The following CDYL2 variants were observed in gnomAD, a reference collection of about 807,000 sequenced individuals.
CDYL2 encodes chromodomain Y like 2, also known as chromodomain Y-like protein 2.
Under a neutral mutation model 49.4 loss-of-function variants are expected in CDYL2, and 23 were observed. The observed-to-expected ratio is 0.47, with a 90% confidence interval of 0.34 to 0.66. The LOEUF (loss-of-function observed/expected upper bound fraction) is 0.66. Among genes scored for constraint, CDYL2 ranks in the 30% least tolerant of loss-of-function variants. The pLI is 0.01. For synonymous variants in CDYL2, 360 were observed against 268.8 expected (o/e 1.34, Z -3.32); for missense variants, 678 against 656.4 (o/e 1.03, Z -0.36).
chr16:80,749,893 A>G (rs955817477), intron 1 of CDYL2, among the ~76,000 whole-genome samples: 3 of 152,178 alleles, frequency 2.0e-5, no homozygotes, highest in South Asian at 2.1e-4. Flanking sequence ...ACACCATGGA[A>G]TACTATGCAA....
At chr16:80,655,309 A>C (rs562180044) in intron 2 of CDYL2, among the ~76,000 whole-genome samples, 339 of 152,304 alleles carry the variant, frequency 2.2e-3, no homozygotes, top group Middle Eastern at 0.01. Context: ...CATTCATTCA[A>C]AATCTAGTTA....
At chr16:80,624,705 CAG>C (rs1266723162) in intron 3 of CDYL2, among the ~76,000 whole-genome samples, 4 of 151,864 alleles carry the variant, frequency 2.6e-5, no homozygotes, top group African/African-American at 7.3e-5. Flanking sequence ...CAAATAATCA[CAG>C]AGAGGAAAAC....
At chr16:80,712,614 C>T (rs1311425295) in intron 1 of CDYL2, among the ~76,000 whole-genome samples, 2 of 152,062 alleles carry the variant, frequency 1.3e-5, no homozygotes, top group Non-Finnish European at 2.9e-5. Flanking sequence ...AGAAGGTGGA[C>T]TCCATAGGTC....
chr16:80,792,054 AAGG>A, intron 1 of CDYL2, among the ~76,000 whole-genome samples: 1 of 152,286 alleles, frequency 6.6e-6, no homozygotes, highest in African/African-American at 2.4e-5. Context: ...GCGCAAAACA[AAGG>A]AGGCTGCACT....
intron 1 of CDYL2, among the ~76,000 whole-genome samples, chr16:80,746,020 G>C (rs763493456): frequency 1.2e-4 from 19 of 152,314 alleles, no homozygotes; most frequent in African/African-American, 2.4e-4. Context: ...GCTCGCACTT[G>C]TCTCTGTATT....
intron 2 of CDYL2, chr16:80,639,859 A>G: frequency 5.3e-6 from 2 of 377,148 alleles, no homozygotes; most frequent in Non-Finnish European, 1.0e-5. Context: ...GTCCTGTTAT[A>G]GCAGAAAGCA....
At chr16:80,698,961 A>G (rs957630948) in intron 1 of CDYL2, among the ~76,000 whole-genome samples, 5 of 152,238 alleles carry the variant, frequency 3.3e-5, no homozygotes, top group African/African-American at 1.2e-4. Context: ...CCACAATGAG[A>G]TAACATCTCA....
chr16:80,793,228 C>A (rs967840111), intron 1 of CDYL2, among the ~76,000 whole-genome samples: 3 of 152,290 alleles, frequency 2.0e-5, no homozygotes, highest in East Asian at 1.9e-4. Flanking sequence ...CAAATGCAAA[C>A]CACAGGGCGG....
At chr16:80,698,189 A>C (rs904264376) in intron 1 of CDYL2, among the ~76,000 whole-genome samples, 3 of 152,204 alleles carry the variant, frequency 2.0e-5, no homozygotes, top group African/African-American at 7.2e-5. Context: ...TACTGGCATA[A>C]AAATAGACAC....
intron 2 of CDYL2, 142 bp downstream of exon 2, chr16:80,684,396 G>C: frequency 6.5e-6 from 5 of 769,068 alleles, no homozygotes; most frequent in Non-Finnish European, 8.4e-6. Context: ...AAAGCTCTAG[G>C]TGAGAGAGAT....
chr16:80,642,495 GTGT>G (rs1344766938), intron 2 of CDYL2, among the ~76,000 whole-genome samples: 1 of 152,172 alleles, frequency 6.6e-6, no homozygotes. Flanking sequence ...TATGCAAATA[GTGT>G]TGTTATAAGC....
chr16:80,605,288 G>A (rs558496424), intron 6 of CDYL2, among the ~76,000 whole-genome samples: 15 of 148,170 alleles, frequency 1.0e-4, no homozygotes, highest in South Asian at 2.1e-4. Context: ...TTATATATAC[G>A]TATAAACACA....
intron 1 of CDYL2, among the ~76,000 whole-genome samples, chr16:80,800,053 C>A (rs902561837): frequency 6.6e-6 from 1 of 152,158 alleles, no homozygotes; most frequent in African/African-American, 2.4e-5. Context: ...TTATACTTTG[C>A]AGCAATCAAG....
intron 2 of CDYL2, among the ~76,000 whole-genome samples, chr16:80,641,648 C>CA: frequency 6.7e-6 from 1 of 148,996 alleles, no homozygotes; most frequent in Admixed American, 6.9e-5. Flanking sequence ...ACCGCAAGGA[C>CA]AAAAAACCAA....
At chr16:80,685,702 T>A (rs1048689013) in intron 1 of CDYL2, among the ~76,000 whole-genome samples, 1 of 152,168 alleles carries the variant, frequency 6.6e-6, no homozygotes, top group African/African-American at 2.4e-5. Context: ...AAAAACTCAA[T>A]GAAGTAAATA....
chr16:80,702,815 G>A (rs1458147676), intron 1 of CDYL2, among the ~76,000 whole-genome samples: 3 of 152,122 alleles, frequency 2.0e-5, no homozygotes, highest in Non-Finnish European at 2.9e-5. Context: ...ACAAAATGCC[G>A]CAGCCAACAG....
chr16:80,789,678 T>C (rs3096280), intron 1 of CDYL2, among the ~76,000 whole-genome samples: 23,617 of 152,044 alleles, frequency 0.16, 1,998 homozygotes, highest in Non-Finnish European at 0.19. Flanking sequence ...TTTAAGTGTC[T>C]ACCAGTTGTT....
chr16:80,797,759 T>C (rs148598657), intron 1 of CDYL2, among the ~76,000 whole-genome samples: 1 of 152,322 alleles, frequency 6.6e-6, no homozygotes, highest in Non-Finnish European at 1.5e-5. Flanking sequence ...TTTCAACCTT[T>C]CAATTGCATC....
chr16:80,727,909 T>C (rs1905216928), intron 1 of CDYL2, among the ~76,000 whole-genome samples: 2 of 151,994 alleles, frequency 1.3e-5, no homozygotes, highest in Admixed American at 1.3e-4. Flanking sequence ...GAAGGAAAAC[T>C]AACAAACAGA....
Sources: allele counts gnomAD v4.1 joint callset (sites outside exome capture counted in the v4.1 genomes callset), GRCh38; gene constraint gnomAD v4.1.1; transcripts MANE v1.5; gene names NCBI Gene and HGNC (gene_info 2026-07-23, HGNC 2026-07-21).